LINGO2: variants seen among roughly 807,000 people sequenced by gnomAD.
LINGO2 encodes leucine rich repeat and Ig domain containing 2, also known as leucine-rich repeat and immunoglobulin-like domain-containing nogo receptor-interacting protein 2.
A neutral mutation model predicts 30.6 loss-of-function variants in LINGO2; 14 were observed. The observed-to-expected ratio is 0.46, with a 90% CI of 0.30 to 0.72. LINGO2 has a LOEUF of 0.72. LINGO2 is among the 30% of genes least tolerant of loss of function. LINGO2 has a pLI of 0.07. For missense variants in LINGO2, 729 were observed against 751.7 expected (o/e 0.97, Z 0.35); for synonymous variants, 317 against 288.5 (o/e 1.10, Z -1.00).
At chr9:29,125,329 T>A in the LINGO2 span, among the ~76,000 whole-genome samples, 1 of 151,994 alleles carries the variant, frequency 6.6e-6, no homozygotes, top group Non-Finnish European at 1.5e-5. Flanking sequence ...AAAACCTAGA[T>A]GACGTGTTGA....
At chr9:28,547,753 G>A (rs1025720265) in intron 1 of LINGO2, among the ~76,000 whole-genome samples, 6 of 152,052 alleles carry the variant, frequency 3.9e-5, no homozygotes, top group Non-Finnish European at 4.4e-5. Flanking sequence ...ACTGGGCTTA[G>A]TGCCCATTAA....
At chr9:28,909,472 T>C in the LINGO2 span, among the ~76,000 whole-genome samples, 485 of 152,118 alleles carry the variant, frequency 3.2e-3, 2 homozygotes, top group African/African-American at 0.011. Flanking sequence ...ATATAGTGAT[T>C]ACTGAGTGTT....
At chr9:28,816,770 T>G in the LINGO2 span, among the ~76,000 whole-genome samples, 3 of 152,300 alleles carry the variant, frequency 2.0e-5, no homozygotes, top group East Asian at 5.8e-4. Context: ...ATATCTGCTT[T>G]ACTCAGAAAA....
In LINGO2 at chr9:27,987,304, T is replaced by TC. The variant is rs1471406506; in HGVS notation, c.-36+25050dup. 3.3e-5 allele frequency among the ~76,000 whole-genome samples: 5 copies of TC among 151,794 alleles called. No individual in the cohort carries two copies. The East Asian group carries it at 7.8e-4, about 24-fold the overall frequency. ...TCCCTCCCGTCTTTCCTTCCTCTCT[T>TC]CCTTGCTTCTTTCCTCCCTTCCCTC... On this transcript the variant is annotated intron_variant, in intron 5 of 5. Coordinates refer to ENST00000379992, the Ensembl canonical transcript of LINGO2.
chr9:29,183,134 A>G, the LINGO2 span, among the ~76,000 whole-genome samples: 14 of 152,246 alleles, frequency 9.2e-5, no homozygotes, highest in Non-Finnish European at 1.9e-4. Flanking sequence ...CTTGTAAACG[A>G]TAAAATAGTA....
chr9:28,192,436 T>G (rs1344593719), intron 4 of LINGO2, among the ~76,000 whole-genome samples: 1 of 152,134 alleles, frequency 6.6e-6, no homozygotes, highest in African/African-American at 2.4e-5. Flanking sequence ...AAATCACTGA[T>G]GCCGTGCCTA....
Position 28,380,048 on chromosome 9 carries a change from A to C in LINGO2, c.-278-7180T>G, listed in dbSNP as rs1587577631. Among the ~76,000 whole-genome samples, 3 of 152,178 alleles carry C rather than the reference A, an allele frequency of 2.0e-5. No individual in the cohort carries two copies. The South Asian group carries it at 6.2e-4, about 32-fold the overall frequency. On this transcript the variant is annotated intron_variant, in intron 2 of 5. Transcript: ENST00000379992. ...ACTTCTTTTTATTTACAGATTATTT[A>C]TGTCCTCTTTGCTGCTACAGTAGCA...
At chr9:28,410,173 G>A (rs72711494) in intron 2 of LINGO2, among the ~76,000 whole-genome samples, 5,601 of 151,216 alleles carry the variant, frequency 0.037, 157 homozygotes, top group Non-Finnish European at 0.051. Context: ...GAAAGAGAAA[G>A]AGGAAAGGAA....
the LINGO2 span, among the ~76,000 whole-genome samples, chr9:29,000,975 T>A: frequency 2.6e-5 from 4 of 151,958 alleles, no homozygotes; most frequent in African/African-American, 9.7e-5. Flanking sequence ...ATTTTTTATA[T>A]CTCAAAATGA....
At chr9:28,014,177 T>A (rs935320674) in intron 4 of LINGO2, among the ~76,000 whole-genome samples, 1 of 152,164 alleles carries the variant, frequency 6.6e-6, no homozygotes, top group African/African-American at 2.4e-5. Flanking sequence ...ACACAGTTGG[T>A]GCGCTCGAGC....
At chr9:28,669,667 C>CACAAGCCCATACACTCCCAT (rs1828940072) in intron 1 of LINGO2, among the ~76,000 whole-genome samples, 1 of 151,970 alleles carries the variant, frequency 6.6e-6, no homozygotes, top group Non-Finnish European at 1.5e-5. Context: ...TCACTCCCAT[C>CACAAGCCCATACACTCCCAT]ACACATACAC....
intron 1 of LINGO2, among the ~76,000 whole-genome samples, chr9:28,583,307 C>A (rs756995370): frequency 8.6e-5 from 13 of 151,786 alleles, no homozygotes; most frequent in Non-Finnish European, 1.8e-4. Context: ...TCCAAAATTG[C>A]AAATTTTCAA....
chr9:29,072,160 C>T, the LINGO2 span, among the ~76,000 whole-genome samples: 2 of 144,428 alleles, frequency 1.4e-5, no homozygotes, highest in Admixed American at 6.9e-5. Context: ...TGAAAACATC[C>T]ACATTATATA....
At chr9:28,849,725 T>C in the LINGO2 span, among the ~76,000 whole-genome samples, 1 of 152,028 alleles carries the variant, frequency 6.6e-6, no homozygotes, top group Admixed American at 6.6e-5. Flanking sequence ...AGACCAACTC[T>C]AACCATCTCT....
At chr9:28,120,674 T>C (rs1563986456) in intron 4 of LINGO2, among the ~76,000 whole-genome samples, 1 of 152,176 alleles carries the variant, frequency 6.6e-6, no homozygotes, top group African/African-American at 2.4e-5. Flanking sequence ...TTCACAGAAT[T>C]TCTAGATGTA....
the LINGO2 span, among the ~76,000 whole-genome samples, chr9:28,995,568 C>T: frequency 2.9e-4 from 44 of 152,110 alleles, no homozygotes; most frequent in African/African-American, 9.6e-4. Flanking sequence ...GACACATGCG[C>T]ACGTATGTTT....
At chr9:28,764,619 T>C in the LINGO2 span, among the ~76,000 whole-genome samples, 6 of 151,848 alleles carry the variant, frequency 4.0e-5, no homozygotes, top group Non-Finnish European at 5.9e-5. Context: ...TATTACCACT[T>C]CTATTCAATA....
At chr9:28,202,555 AC>A (rs1014205376) in intron 4 of LINGO2, among the ~76,000 whole-genome samples, 1 of 151,926 alleles carries the variant, frequency 6.6e-6, no homozygotes, top group African/African-American at 2.4e-5. Context: ...CTGTTCCCTC[AC>A]CCCGTCCCCC....
the LINGO2 span, among the ~76,000 whole-genome samples, chr9:29,148,827 C>T: frequency 6.6e-6 from 1 of 151,974 alleles, no homozygotes; most frequent in South Asian, 2.1e-4. Context: ...CGGGATTTTG[C>T]CCCACAGGAA....
Sources: gnomAD v4.1 joint callset for allele counts (sites outside exome capture counted in the v4.1 genomes callset) on GRCh38, gnomAD v4.1.1 for gene constraint, MANE v1.5 for transcripts, NCBI Gene and HGNC (gene_info 2026-07-23, HGNC 2026-07-21) for gene names.